DUS4L: variants seen among roughly 807,000 people sequenced by gnomAD.
The protein encoded by DUS4L is tRNA-dihydrouridine(20a/20b) synthase [NAD(P)+]-like.
DUS4L carries 31 observed loss-of-function variants against 33.8 expected under a neutral mutation model. That is an observed-to-expected ratio of 0.92 (90% CI 0.69 to 1.24). The LOEUF (loss-of-function observed/expected upper bound fraction) is 1.24. DUS4L is among the 50% of genes most tolerant of loss of function. The pLI, the probability that DUS4L is intolerant of heterozygous loss-of-function variation, is 0.00. For synonymous variants in DUS4L, 103 were observed against 120.3 expected (o/e 0.86, Z 0.94); for missense variants, 368 against 388.6 (o/e 0.95, Z 0.45).
rs1303949561 is a variant in DUS4L at position 107,577,513 on chromosome 7, A to G, written c.907A>G (p.Ser303Gly). The stretch of plus-strand genomic sequence containing the variant: ...AAAAAGGGTATTTAATGCTCTGTCA[A>G]GCACATCAGCAATCATAGATTACCT... The part of the protein sequence containing the change: ...QEKRVFNALS[S>G]TSAIIDYLTD... Residue 303 changes from serine to glycine, a missense_variant, in exon 8 of 8, where the codon AGC becomes GGC. By Grantham distance (56) the Ser-to-Gly change is moderately conservative (BLOSUM62 0). Transcript: ENST00000265720. 1 of 1,614,146 alleles carries G rather than the reference A, an allele frequency of 6.2e-7. No homozygotes were observed. Among genetic ancestry groups the G allele is most frequent in the African/African-American group, 1.3e-5 (1 of 75,060 alleles).
At position 107,577,771 on chromosome 7, in the gene DUS4L, A is replaced by C; in HGVS notation, c.*211A>C. 1 of 446,574 alleles carries C rather than the reference A, an allele frequency of 2.2e-6. No homozygotes were observed. Among genetic ancestry groups the C allele is most frequent in the Non-Finnish European group, 4.0e-6 (1 of 252,566 alleles). The allele number at this position is 446,574 out of a possible 1,614,324, so 27.7% of individuals were successfully genotyped here. A position where few individuals can be genotyped will look rare whatever the true frequency, so the allele number is the denominator to read the frequency against. ...CCCAGAAATACACAGTTTAAAGAAA[A>C]CTCCCAGTGGTTCAAACATCCTGAT... On this transcript the variant is annotated 3_prime_UTR_variant, in exon 8 of 8. Coordinates refer to ENST00000265720, the MANE Select transcript of DUS4L (RefSeq NM_181581.3).
At chr7:107,565,447 C>T (rs1479612694) in intron 2 of DUS4L, among the ~76,000 whole-genome samples, 1 of 152,156 alleles carries the variant, frequency 6.6e-6, no homozygotes, top group Non-Finnish European at 1.5e-5. Context: ...TTTAATTGGT[C>T]TAGGGTATGG....
At chr7:107,567,793 TTCC>T (rs1049205816) in intron 3 of DUS4L, 1 of 452,246 alleles carries the variant, frequency 2.2e-6, no homozygotes. Flanking sequence ...TGACTCCCCA[TTCC>T]ACTGTTCCTC....
chr7:107,575,511 AC>A, intron 6 of DUS4L: 1 of 442,698 alleles, frequency 2.3e-6, no homozygotes. Flanking sequence ...TCCTCTTTGT[AC>A]TTTTAACAAA....
At chr7:107,574,953 T>TA in intron 5 of DUS4L, 2 of 524,052 alleles carry the variant, frequency 3.8e-6, no homozygotes, top group South Asian at 4.2e-5. Context: ...ACTTTTAACT[T>TA]AATATTCTCA....
intron 4 of DUS4L, among the ~76,000 whole-genome samples, chr7:107,572,887 T>C (rs1454690303): frequency 2.0e-5 from 3 of 151,156 alleles, no homozygotes; most frequent in African/African-American, 7.3e-5. Flanking sequence ...AGCACAAATA[T>C]ACTCAAAGAC....
chr7:107,577,335 C>T lies in DUS4L; in HGVS notation c.729C>T (p.Leu243=). Reference sequence around the variant, plus strand: ...TAGGTGTGATGGTTGCAAGAGGACTCTTAGCAAACCCGGCCATGTTTGCTG... The same window carrying T: ...TAGGTGTGATGGTTGCAAGAGGACTTTTAGCAAACCCGGCCATGTTTGCTG... ...GTDGVMVARG[L]LANPAMFAGY... The change falls in exon 8 of 8, where the codon CTC becomes CTT. Residue 243 remains leucine, a synonymous_variant. Transcript: ENST00000265720. The T allele has an allele frequency of 6.2e-7, 1 of 1,614,074 alleles. No individual in the cohort carries two copies. Among genetic ancestry groups the T allele is most frequent in the Non-Finnish European group, 8.5e-7 (1 of 1,180,010 alleles).
chr7:107,575,981 C>T (rs1307411557), intron 6 of DUS4L, among the ~76,000 whole-genome samples: 1 of 152,310 alleles, frequency 6.6e-6, no homozygotes, highest in African/African-American at 2.4e-5. Flanking sequence ...GAGTGAGCCA[C>T]GGTGCCCAGC....
rs1169847876 is a variant in DUS4L at position 107,578,112 on chromosome 7, C to G, written c.*552C>G. On this transcript the variant is annotated 3_prime_UTR_variant, in exon 8 of 8. Transcript: ENST00000265720. ...TTGGTACATTTCAAAACTTCTAGGT[C>G]CTCCAAAGATTGAAAGCTTAATAAT... 6.6e-6 allele frequency: 1 copy of G among 152,030 alleles called. No homozygotes were observed. The highest frequency in any genetic ancestry group is 1.9e-4 in the East Asian group (1 of 5,198). 9.4% of individuals were successfully genotyped at this position (152,030 alleles called of 1,614,324 possible). A position where few individuals can be genotyped will look rare whatever the true frequency, so the allele number is the denominator to read the frequency against.
At chr7:107,569,556 C>G (rs1805012685) in intron 3 of DUS4L, among the ~76,000 whole-genome samples, 1 of 152,228 alleles carries the variant, frequency 6.6e-6, no homozygotes, top group Admixed American at 6.5e-5. Flanking sequence ...TTGAGTCTCC[C>G]AATCCATGAA....
At chr7:107,564,415 C>A (rs1386049959) in intron 1 of DUS4L, 173 bp from the exon 2 acceptor site, 2 of 181,716 alleles carry the variant, frequency 1.1e-5, no homozygotes, top group Non-Finnish European at 2.3e-5. Context: ...TAATAAAAGC[C>A]CGCAGGAAAT....
Position 107,571,183 on chromosome 7 carries a change from A to G in DUS4L, c.155A>G (p.Asp52Gly). 6.2e-7 allele frequency: 1 copy of G among 1,613,404 alleles called. No homozygotes were observed. The highest frequency in any genetic ancestry group is 8.5e-7 in the Non-Finnish European group (1 of 1,179,842). ...ACACTAGTAAGAAAATATAGTTGTG[A>G]TCTGTGTTACACACCAATGATTGTT... ...FRTLVRKYSC[D>G]LCYTPMIVAA... The change falls in exon 4 of 8, where the codon GAT becomes GGT. Residue 52 changes from aspartate (D) to glycine (G), a missense_variant. Physicochemically the swap from Asp to Gly is moderately conservative, Grantham distance 94. Transcript: ENST00000265720.
chr7:107,574,787 GT>G (rs1805581575), intron 5 of DUS4L: 2 of 283,182 alleles, frequency 7.1e-6, no homozygotes, highest in Admixed American at 5.4e-5. Flanking sequence ...TAAATTAGCT[GT>G]TTAGTGGTAT....
At chr7:107,568,717 T>C (rs1260368380) in intron 3 of DUS4L, among the ~76,000 whole-genome samples, 3 of 152,238 alleles carry the variant, frequency 2.0e-5, no homozygotes, top group Admixed American at 6.5e-5. Flanking sequence ...GTGCTTTCGA[T>C]GTCAAGTATA....
At chr7:107,566,370 T>A (rs1804700610) in intron 2 of DUS4L, among the ~76,000 whole-genome samples, 1 of 152,206 alleles carries the variant, frequency 6.6e-6, no homozygotes, top group Non-Finnish European at 1.5e-5. Context: ...ATAGTAGGAT[T>A]TTAAGTATAG....
Position 107,567,263 on chromosome 7 carries a change from A to C in DUS4L, c.116+77A>C. The C allele has an allele frequency of 2.4e-6, 3 of 1,225,692 alleles. No homozygotes were observed. The South Asian group carries it at 4.0e-5, about 16-fold the overall frequency. 75.9% of individuals were successfully genotyped at this position (1,225,692 alleles called of 1,614,324 possible). A position where few individuals can be genotyped will look rare whatever the true frequency, so the allele number is the denominator to read the frequency against. ...TCTGACTTTTTAAAAGTACTGTAAGACCACCCACCATATGGGAACTTCAAA... is the reference window on the plus strand; with the variant it reads ...TCTGACTTTTTAAAAGTACTGTAAGCCCACCCACCATATGGGAACTTCAAA... On this transcript the variant is annotated intron_variant, in intron 3 of 7. Coordinates refer to ENST00000265720, the MANE Select transcript of DUS4L (RefSeq NM_181581.3).
chr7:107,565,950 G>A (rs1461450751), intron 2 of DUS4L, among the ~76,000 whole-genome samples: 1 of 152,108 alleles, frequency 6.6e-6, no homozygotes, highest in African/African-American at 2.4e-5. Context: ...TTGCCATTGC[G>A]CTTTATTTTT....
Position 107,576,529 on chromosome 7 carries a change from G to C in DUS4L, c.643G>C (p.Ala215Pro). 6.2e-7 allele frequency: 1 copy of C among 1,605,300 alleles called. No homozygotes were observed. Among genetic ancestry groups the C allele is most frequent in the South Asian group, 1.1e-5 (1 of 88,874 alleles). ...GGAAAATATGTCTATACCTGTAATT[G>C]CTAATGGAGACATCAGAAGCTTAAA... ...IKENMSIPVIANGDIRSLKEA... is the reference protein window; with the variant it reads ...IKENMSIPVIPNGDIRSLKEA... The change falls in exon 7 of 8, where the codon GCT becomes CCT. Residue 215 changes from alanine to proline, a missense_variant. Coordinates refer to ENST00000265720, the MANE Select transcript of DUS4L (RefSeq NM_181581.3).
intron 6 of DUS4L, among the ~76,000 whole-genome samples, chr7:107,576,130 A>G (rs1289206173): frequency 1.3e-5 from 2 of 152,260 alleles, no homozygotes; most frequent in Admixed American, 1.3e-4. Context: ...ACATAGAAGC[A>G]CTAGGTCTAA....
Sources: gnomAD v4.1 joint callset for allele counts (sites outside exome capture counted in the v4.1 genomes callset) on GRCh38, gnomAD v4.1.1 for gene constraint, MANE v1.5 for transcripts, NCBI Gene and HGNC (gene_info 2026-07-23, HGNC 2026-07-21) for gene names.